The following ZBTB8B variants were observed in gnomAD, a reference collection of about 807,000 sequenced individuals.
ZBTB8B encodes the protein zinc finger and BTB domain-containing protein 8B.
Under a neutral mutation model 30.3 loss-of-function variants are expected in ZBTB8B, and 17 were observed. The observed-to-expected ratio is 0.56, with a 90% CI of 0.38 to 0.84. The LOEUF (loss-of-function observed/expected upper bound fraction) is 0.84, where lower values mean the gene tolerates loss of function less well. Ranked by LOEUF, ZBTB8B falls within the 40% of genes least tolerant of loss-of-function variation. The pLI is 0.00. For synonymous variants in ZBTB8B, 248 were observed against 255.6 expected, an observed-to-expected ratio of 0.97 and a Z score of 0.28; for missense variants, 515 against 644.9, an observed-to-expected ratio of 0.80 and a Z score of 2.18.
chr1:32,473,661 C>T (rs981803220), intron 2 of ZBTB8B, among the ~76,000 whole-genome samples: 9 of 151,680 alleles, frequency 5.9e-5, no homozygotes, highest in East Asian at 1.9e-4. Context: ...TACGGGCATA[C>T]ACCACCACAC....
intron 1 of ZBTB8B, among the ~76,000 whole-genome samples, chr1:32,469,246 ATTTTTT>A (rs541160413): frequency 8.5e-6 from 1 of 117,352 alleles, no homozygotes; most frequent in Non-Finnish European, 1.7e-5. Flanking sequence ...CTCAAGTATA[ATTTTTT>A]TTTTTTTTTT....
Position 32,470,591 on chromosome 1 carries a change from G to A in ZBTB8B, c.-34G>A, listed in dbSNP as rs1159339344. 18 of 1,528,468 alleles carry A rather than the reference G, an allele frequency of 1.2e-5. No homozygotes were observed. The highest frequency in any genetic ancestry group is 1.6e-5 in the Non-Finnish European group (18 of 1,132,326). 94.7% of individuals were successfully genotyped at this position (1,528,468 alleles called of 1,614,324 possible). A position where few individuals can be genotyped will look rare whatever the true frequency, so the allele number is the denominator to read the frequency against. ...TAAGAAAAATCTTGGCAGAGATACA[G>A]GTTTGCTCTGGAGCAGCAGCAGCTG... is the stretch of plus-strand genomic sequence containing the variant. On this transcript the variant is annotated 5_prime_UTR_variant, in exon 2 of 4. Coordinates refer to ENST00000609129, the MANE Select transcript of ZBTB8B (RefSeq NM_001145720.2).
At position 32,483,907 on chromosome 1, in the gene ZBTB8B, T is replaced by TA. The variant is rs1035323755; in HGVS notation, c.1171-1183dup. On this transcript the variant is annotated intron_variant, in intron 3 of 3. Transcript: ENST00000609129. ...TAGCAAGATAGCAAGACCCCATCTC[T>TA]AAAAAAAAAAATCCTGGCCAACTAT... 9.3e-4 allele frequency among the ~76,000 whole-genome samples: 134 copies of TA among 144,648 alleles called. 1 individual carries two copies. Among genetic ancestry groups the TA allele is most frequent in the African/African-American group, 2.6e-3 (102 of 39,572 alleles). The allele number at this position is 144,648 out of a possible 152,430, so 94.9% of individuals were successfully genotyped here.
At chr1:32,483,953 T>TCC (rs2148186426) in intron 3 of ZBTB8B, among the ~76,000 whole-genome samples, 2 of 151,860 alleles carry the variant, frequency 1.3e-5, no homozygotes, top group East Asian at 1.9e-4. Flanking sequence ...GCTTGAAATC[T>TCC]CAACACCTTA....
chr1:32,476,395 C>G (rs1011366515), intron 2 of ZBTB8B, among the ~76,000 whole-genome samples: 1 of 152,082 alleles, frequency 6.6e-6, no homozygotes, highest in Non-Finnish European at 1.5e-5. Context: ...CTGAACTCCC[C>G]TTTCCTCATG....
intron 1 of ZBTB8B, among the ~76,000 whole-genome samples, chr1:32,469,247 T>TTTTTTA (rs1478035070): frequency 5.0e-5 from 1 of 19,896 alleles, no homozygotes; most frequent in African/African-American, 5.3e-4. Flanking sequence ...TCAAGTATAA[T>TTTTTTA]TTTTTTTTTT....
At position 32,491,333 on chromosome 1, in the gene ZBTB8B, CTA is replaced by C. The variant is rs1194941382; in HGVS notation, c.*5916_*5917del. The C allele has an allele frequency of 1.3e-5, 2 of 152,212 alleles. No individual in the cohort carries two copies. Among genetic ancestry groups the C allele is most frequent in the Admixed American group, 6.5e-5 (1 of 15,272 alleles). 9.4% of individuals were successfully genotyped at this position (152,212 alleles called of 1,614,324 possible). The stretch of plus-strand genomic sequence containing the variant: ...ACCATCCATAGCCCCTGAGGAGCAT[CTA>C]CTGCCATCAGAAAAACATGCAAATA... On this transcript the variant is annotated 3_prime_UTR_variant, in exon 4 of 4. Transcript: ENST00000609129.
At chr1:32,482,915 C>T (rs952111395) in intron 3 of ZBTB8B, among the ~76,000 whole-genome samples, 2 of 151,814 alleles carry the variant, frequency 1.3e-5, no homozygotes, top group South Asian at 2.1e-4. Context: ...AGGGTAAATG[C>T]AAATCAAAGT....
rs1236351599 is a variant in ZBTB8B, at chr1:32,484,987, G to A, written c.1171-114G>A. On this transcript the variant is annotated intron_variant, in intron 3 of 3. Transcript: ENST00000609129. This position sits in a 1 kb window ranked among gnomAD's most constrained non-coding sequence, Gnocchi z 4.5. ...AAAGACTGTGGCAGAGAATGCAGGT[G>A]GAGTGCTGAAAAAGGAATCGGGAGG... The A allele has an allele frequency of 1.2e-5, 11 of 910,758 alleles. No homozygotes were observed. Among genetic ancestry groups the A allele is most frequent in the Non-Finnish European group, 1.7e-5 (10 of 592,526 alleles). 56.4% of individuals were successfully genotyped at this position (910,758 alleles called of 1,614,324 possible).
At chr1:32,471,678 G>A (rs1643622463) in intron 2 of ZBTB8B, 63 bp downstream of exon 2, 1 of 1,481,902 alleles carries the variant, frequency 6.7e-7, no homozygotes, top group South Asian at 1.3e-5. Context: ...TGTGCCTTGT[G>A]TTCTCCCATC....
In ZBTB8B at chr1:32,482,394, C is replaced by T. The variant is rs550098052; in HGVS notation, c.1170+1325C>T. On this transcript the variant is annotated intron_variant, in intron 3 of 3. Transcript: ENST00000609129. ...CGCTCTTAAGAATACGAAAACTGGC[C>T]GGGCGCAGGGGCTCACACCTGTAAT... Among the ~76,000 whole-genome samples the T allele has an allele frequency of 3.2e-4, 48 of 151,942 alleles. No individual in the cohort carries two copies. The East Asian group carries it at 6.4e-3, about 20-fold the overall frequency.
intron 2 of ZBTB8B, among the ~76,000 whole-genome samples, chr1:32,477,505 C>T (rs1432982513): frequency 1.3e-5 from 2 of 152,088 alleles, no homozygotes; most frequent in Non-Finnish European, 2.9e-5. Flanking sequence ...GTGTGTGGTA[C>T]AAAGCTAAGG....
Position 32,471,304 on chromosome 1 carries a change from T to G in ZBTB8B, c.680T>G (p.Ile227Arg). 1 of 1,551,756 alleles carries G rather than the reference T, an allele frequency of 6.4e-7. No individual in the cohort carries two copies. The highest frequency in any genetic ancestry group is 1.4e-5 in the African/African-American group (1 of 73,156). The change falls in exon 2 of 4, where the codon ATA (isoleucine) becomes AGA (arginine). Residue 227 changes from isoleucine to arginine, a missense_variant. Physicochemically the swap from Ile to Arg is moderately conservative, Grantham distance 97. This residue lies in a region of ZBTB8B where 429 missense variants were observed against 504.3 expected (regional missense o/e 0.85). Transcript: ENST00000609129. ...DSNLSTPPKR[I>R]EPKVEFDADE... ...AACCTCTCTACTCCACCCAAACGGATAGAGCCCAAGGTGGAATTTGATGCT... is the reference window on the plus strand; with the variant it reads ...AACCTCTCTACTCCACCCAAACGGAGAGAGCCCAAGGTGGAATTTGATGCT...
intron 2 of ZBTB8B, among the ~76,000 whole-genome samples, chr1:32,472,485 T>C (rs1259863205): frequency 6.6e-6 from 1 of 152,200 alleles, no homozygotes; most frequent in Admixed American, 6.5e-5. Flanking sequence ...AGAATGAGAT[T>C]GAAGTGATGT....
In ZBTB8B at chr1:32,495,760, T is replaced by C. The variant is rs949071378; in HGVS notation, c.*10342T>C. On this transcript the variant is annotated 3_prime_UTR_variant, in exon 4 of 4. Transcript: ENST00000609129. ...AGCTGGGTGTGGTAGTGTACACCTG[T>C]AGTCCCAGCTACTCCAAAGGCTGAG... 4.6e-5 allele frequency: 7 copies of C among 152,176 alleles called. No homozygotes were observed. Among genetic ancestry groups the C allele is most frequent in the African/African-American group, 1.2e-4 (5 of 41,428 alleles). The allele number at this position is 152,176 out of a possible 1,614,324, so 9.4% of individuals were successfully genotyped here.
intron 3 of ZBTB8B, among the ~76,000 whole-genome samples, chr1:32,482,891 A>G (rs553607774): frequency 1.7e-4 from 26 of 152,048 alleles, no homozygotes; most frequent in Admixed American, 1.5e-3. Flanking sequence ...AAGATGCTCA[A>G]CATCATTACT....
At chr1:32,482,868 A>G (rs1292905290) in intron 3 of ZBTB8B, among the ~76,000 whole-genome samples, 2 of 152,142 alleles carry the variant, frequency 1.3e-5, no homozygotes, top group African/African-American at 2.4e-5. Flanking sequence ...CAAATGGCCA[A>G]TAAGCACATG....
intron 2 of ZBTB8B, among the ~76,000 whole-genome samples, chr1:32,472,509 C>G (rs1453234268): frequency 6.6e-6 from 1 of 152,182 alleles, no homozygotes; most frequent in Non-Finnish European, 1.5e-5. Flanking sequence ...GAGATATATG[C>G]TCCAGAGATT....
At chr1:32,476,060 C>T (rs987907703) in intron 2 of ZBTB8B, among the ~76,000 whole-genome samples, 5 of 152,004 alleles carry the variant, frequency 3.3e-5, no homozygotes, top group African/African-American at 7.3e-5. Context: ...TTAAGTGATC[C>T]ACCCGCCTCA....
Sources: gnomAD v4.1 joint callset for allele counts (sites outside exome capture counted in the v4.1 genomes callset) on GRCh38, gnomAD v4.1.1 for gene constraint, gnomAD v4.1.1 regional missense constraint, Gnocchi (gnomAD v3.1) non-coding constraint, MANE v1.5 for transcripts, NCBI Gene and HGNC (gene_info 2026-07-23, HGNC 2026-07-21) for gene names.